The following BMPR1B variants were observed in gnomAD, a reference collection of about 807,000 sequenced individuals.
BMPR1B encodes the protein bone morphogenetic protein receptor type-1B.
In BMPR1B, 12 loss-of-function variants were observed where a neutral mutation model predicts 59.1. That is an observed-to-expected ratio of 0.20 (90% CI 0.13 to 0.33). The LOEUF (loss-of-function observed/expected upper bound fraction) is 0.33, where lower values mean the gene tolerates loss of function less well. Among genes scored for constraint, BMPR1B ranks in the 10% least tolerant of loss-of-function variants. The pLI is 1.00. For missense variants in BMPR1B, 550 were observed against 610.9 expected, an observed-to-expected ratio of 0.90 and a Z score of 1.05; for synonymous variants, 237 against 207.3, an observed-to-expected ratio of 1.14 and a Z score of -1.23.
intron 1 of BMPR1B, among the ~76,000 whole-genome samples, chr4:94,823,454 A>G (rs1305922535): frequency 2.0e-5 from 3 of 152,102 alleles, no homozygotes; most frequent in Admixed American, 6.5e-5. Flanking sequence ...GTTCGGATCT[A>G]TGTTTTGGGG....
intron 2 of BMPR1B, among the ~76,000 whole-genome samples, chr4:94,913,182 CAT>C (rs1728351966): frequency 6.6e-6 from 1 of 152,034 alleles, no homozygotes; most frequent in Non-Finnish European, 1.5e-5. Context: ...AAGTGGGCAA[CAT>C]ATATGTATAG....
At chr4:94,806,849 C>T (rs1215538901) in intron 1 of BMPR1B, among the ~76,000 whole-genome samples, 1 of 151,854 alleles carries the variant, frequency 6.6e-6, no homozygotes, top group Non-Finnish European at 1.5e-5. Context: ...AACTGAGCTT[C>T]TTGTGTTTTT....
intron 3 of BMPR1B, among the ~76,000 whole-genome samples, chr4:95,019,967 G>T (rs1468534178): frequency 6.6e-6 from 1 of 152,112 alleles, no homozygotes; most frequent in Non-Finnish European, 1.5e-5. Flanking sequence ...AATTATTATT[G>T]AAGAGAATAG....
At chr4:95,064,231 C>G (rs538496824) in intron 3 of BMPR1B, among the ~76,000 whole-genome samples, 204 of 152,256 alleles carry the variant, frequency 1.3e-3, no homozygotes, top group Admixed American at 3.7e-3. Flanking sequence ...AACAGGGGTT[C>G]CCAACCCCTG....
At chr4:95,009,660 C>T (rs1723087291) in intron 3 of BMPR1B, among the ~76,000 whole-genome samples, 1 of 152,102 alleles carries the variant, frequency 6.6e-6, no homozygotes. Context: ...CAGGTTCGAA[C>T]ACCAGTTTTC....
At chr4:94,955,783 C>T (rs753280157) in intron 2 of BMPR1B, among the ~76,000 whole-genome samples, 1 of 152,050 alleles carries the variant, frequency 6.6e-6, no homozygotes, top group Non-Finnish European at 1.5e-5. Context: ...TGCACGCCCC[C>T]ACACCCGGCT....
chr4:95,004,713 C>T (rs1722700685), intron 3 of BMPR1B, among the ~76,000 whole-genome samples: 1 of 151,936 alleles, frequency 6.6e-6, no homozygotes, highest in South Asian at 2.1e-4. Flanking sequence ...ATCATTATTC[C>T]CAGTAGTAGT....
At chr4:94,958,523 T>G (rs536393746) in intron 2 of BMPR1B, among the ~76,000 whole-genome samples, 51 of 152,254 alleles carry the variant, frequency 3.3e-4, no homozygotes, top group Non-Finnish European at 7.1e-4. Context: ...GAGTGTCATC[T>G]CTCTGGTGTC....
intron 2 of BMPR1B, among the ~76,000 whole-genome samples, chr4:94,935,931 G>A (rs965535354): frequency 6.6e-6 from 1 of 152,076 alleles, no homozygotes; most frequent in Admixed American, 6.6e-5. Flanking sequence ...TAGATTTTGT[G>A]TGCATTTTTT....
chr4:94,906,895 A>G (rs753266469), intron 2 of BMPR1B, among the ~76,000 whole-genome samples: 2 of 152,034 alleles, frequency 1.3e-5, no homozygotes, highest in Non-Finnish European at 2.9e-5. Flanking sequence ...CACAAACAAG[A>G]TCATTTATAT....
intron 1 of BMPR1B, among the ~76,000 whole-genome samples, chr4:94,810,332 G>A (rs1723766033): frequency 6.6e-6 from 1 of 152,106 alleles, no homozygotes; most frequent in Non-Finnish European, 1.5e-5. Flanking sequence ...GTGGAAATTT[G>A]AAAACAACTT....
At chr4:94,861,116 A>G (rs538917924) in intron 1 of BMPR1B, among the ~76,000 whole-genome samples, 1 of 152,190 alleles carries the variant, frequency 6.6e-6, no homozygotes, top group East Asian at 1.9e-4. Flanking sequence ...TTGAGGTAGT[A>G]TAGTGCTGTG....
At chr4:94,940,405 G>A (rs368546784) in intron 2 of BMPR1B, among the ~76,000 whole-genome samples, 21 of 152,294 alleles carry the variant, frequency 1.4e-4, no homozygotes, top group African/African-American at 5.1e-4. Context: ...GTGGCCTAGG[G>A]AAGCCAAAAG....
intron 3 of BMPR1B, among the ~76,000 whole-genome samples, chr4:95,047,847 A>T (rs1051442282): frequency 2.0e-5 from 3 of 152,142 alleles, no homozygotes; most frequent in Non-Finnish European, 2.9e-5. Context: ...GGTTTGTTAC[A>T]TGGGCATATT....
chr4:94,784,351 G>T (rs1242491580), intron 1 of BMPR1B, among the ~76,000 whole-genome samples: 1 of 152,022 alleles, frequency 6.6e-6, no homozygotes, highest in African/African-American at 2.4e-5. Context: ...ATTAGGTTTT[G>T]TTCCTTGAAA....
At chr4:94,870,037 A>G (rs1274582900) in intron 1 of BMPR1B, among the ~76,000 whole-genome samples, 1 of 152,312 alleles carries the variant, frequency 6.6e-6, no homozygotes, top group South Asian at 2.1e-4. Context: ...TATATTAGAG[A>G]AGAAGTTGCA....
intron 1 of BMPR1B, among the ~76,000 whole-genome samples, chr4:94,819,259 C>T (rs1180309400): frequency 1.3e-5 from 2 of 151,610 alleles, no homozygotes; most frequent in African/African-American, 4.8e-5. Context: ...CCTCTTTTTT[C>T]CTAAAGGGAG....
At position 94,782,533 on chromosome 4, in the gene BMPR1B, T is replaced by A. The variant is rs140182149; in HGVS notation, c.-183+24465T>A. Among the ~76,000 whole-genome samples, 25 of 152,220 alleles carry A rather than the reference T, an allele frequency of 1.6e-4. No homozygotes were observed. In the East Asian group the frequency reaches 4.1e-3, roughly 25 times the overall value. On this transcript the variant is annotated intron_variant, in intron 1 of 12. Coordinates refer to ENST00000515059, the MANE Select transcript of BMPR1B (RefSeq NM_001203.3). ...GTTGCCCAGGCTGGTCTTGAACTCC[T>A]GAGCTCAAGTGATCTAATCACCTTG... is the stretch of plus-strand genomic sequence containing the variant.
In BMPR1B at chr4:95,158,372, A is replaced by G. The variant is rs886059746; in HGVS notation, c.*3699A>G. 6 of 152,174 alleles carry G rather than the reference A, an allele frequency of 3.9e-5. No individual in the cohort carries two copies. The highest frequency in any genetic ancestry group is 8.8e-5 in the Non-Finnish European group (6 of 68,022). The allele number at this position is 152,174 out of a possible 1,614,324, so 9.4% of individuals were successfully genotyped here. Reference sequence around the variant, plus strand: ...ACTAGGGAACAAACAATTGTATTGTATTTGTTACAGATTGTATATGGCTTT... The same window carrying G: ...ACTAGGGAACAAACAATTGTATTGTGTTTGTTACAGATTGTATATGGCTTT... On this transcript the variant is annotated 3_prime_UTR_variant, in exon 13 of 13. Coordinates refer to ENST00000515059, the MANE Select transcript of BMPR1B (RefSeq NM_001203.3).
Sources: allele counts gnomAD v4.1 joint callset (sites outside exome capture counted in the v4.1 genomes callset), GRCh38; gene constraint gnomAD v4.1.1; transcripts MANE v1.5; gene names NCBI Gene and HGNC (gene_info 2026-07-23, HGNC 2026-07-21).